Variants in TMEM87B observed in about 807,000 individuals in gnomAD.
The protein encoded by TMEM87B is transmembrane protein 87B.
Under a neutral mutation model 80.3 loss-of-function variants are expected in TMEM87B, and 83 were observed. The ratio of observed to expected loss-of-function variants is 1.03; its 90% CI spans 0.87 to 1.24. The LOEUF is 1.24. Ranked by LOEUF, TMEM87B falls within the 50% of genes most tolerant of loss-of-function variation. The pLI, the probability that TMEM87B is intolerant of heterozygous loss-of-function variation, is 0.00. For missense variants in TMEM87B, 625 were observed against 674.4 expected (o/e 0.93, Z 0.81); for synonymous variants, 219 against 230.5 (o/e 0.95, Z 0.45).
chr2:112,083,666 A>AG (rs1679064646), intron 8 of TMEM87B, among the ~76,000 whole-genome samples: 1 of 152,216 alleles, frequency 6.6e-6, no homozygotes, highest in Non-Finnish European at 1.5e-5. Context: ...AGAGGCTTCC[A>AG]GGTGATTCCA....
rs998171148 is a variant in TMEM87B at position 112,103,910 on chromosome 2, A to G, written c.1451-2092A>G. On this transcript the variant is annotated intron_variant, in intron 15 of 18. Coordinates refer to ENST00000283206, the MANE Select transcript of TMEM87B (RefSeq NM_032824.3). ...GGCATAAGGATAGAGAAATCCATCA[A>G]GGTAGTAAAATAGAGTCCAGGAATA... Among the ~76,000 whole-genome samples the G allele has an allele frequency of 3.9e-5, 6 of 152,226 alleles. No individual in the cohort carries two copies. The South Asian group carries it at 8.3e-4, about 21-fold the overall frequency.
At chr2:112,067,732 A>C (rs1380770055) in intron 4 of TMEM87B, among the ~76,000 whole-genome samples, 1 of 152,200 alleles carries the variant, frequency 6.6e-6, no homozygotes, top group African/African-American at 2.4e-5. Flanking sequence ...CTGCAGTCAG[A>C]CCTTTGCATC....
intron 17 of TMEM87B, among the ~76,000 whole-genome samples, chr2:112,111,832 T>G (rs1679925995): frequency 6.6e-6 from 1 of 152,216 alleles, no homozygotes; most frequent in South Asian, 2.1e-4. Flanking sequence ...GAAGGTGACA[T>G]TAGCATAGCT....
At chr2:112,055,871 C>A (rs1678037107) in intron 1 of TMEM87B, 115 bp downstream of exon 1, 1 of 1,275,728 alleles carries the variant, frequency 7.8e-7, no homozygotes, top group African/African-American at 1.6e-5. Flanking sequence ...GCACCGGGTC[C>A]CCTGATACCC....
intron 5 of TMEM87B, among the ~76,000 whole-genome samples, chr2:112,076,150 G>A (rs1480159680): frequency 6.6e-6 from 1 of 152,020 alleles, no homozygotes; most frequent in East Asian, 1.9e-4. Context: ...CTACTCGGAG[G>A]CTGAGGCACA....
At chr2:112,083,568 G>A (rs6542034) in intron 8 of TMEM87B, among the ~76,000 whole-genome samples, 2,277 of 152,256 alleles carry the variant, frequency 0.015, 61 homozygotes, top group African/African-American at 0.052. Context: ...CTCATCCCTG[G>A]TTTTGCATCA....
At chr2:112,100,792 T>C in intron 15 of TMEM87B, 97 bp downstream of exon 15, 1 of 666,706 alleles carries the variant, frequency 1.5e-6, no homozygotes. Flanking sequence ...TATTGTTTTT[T>C]TCTATAAAAT....
intron 18 of TMEM87B, 84 bp downstream of exon 18, chr2:112,113,013 C>G (rs766786142): frequency 1.2e-4 from 148 of 1,249,720 alleles, no homozygotes; most frequent in Admixed American, 2.0e-4. Context: ...CTGAAAGCTA[C>G]TTTTTAAGAT....
chr2:112,080,252 A>T lies in TMEM87B; in HGVS notation c.593-805A>T, dbSNP rs116032537. ...CCCCTTGCCCATTCTTTTTTTTTTA[A>T]TTTTTTTTATCTTTTTTTATTTTTT... is the stretch of plus-strand genomic sequence containing the variant. On this transcript the variant is annotated intron_variant, in intron 6 of 18. Transcript: ENST00000283206. Among the ~76,000 whole-genome samples the T allele has an allele frequency of 9.5e-3, 1,152 of 121,298 alleles. 10 individuals are homozygous for T. The highest frequency in any genetic ancestry group is 0.067 in the Middle Eastern group (11 of 164). 79.6% of individuals were successfully genotyped at this position (121,298 alleles called of 152,430 possible).
Position 112,113,424 on chromosome 2 carries a change from C to A in TMEM87B, c.1608+495C>A, listed in dbSNP as rs114018623. Among the ~76,000 whole-genome samples, 283 of 152,226 alleles carry A rather than the reference C, an allele frequency of 1.9e-3. 2 individuals are homozygous for A. The highest frequency in any genetic ancestry group is 6.0e-3 in the African/African-American group (251 of 41,544). On this transcript the variant is annotated intron_variant, in intron 18 of 18. Coordinates refer to ENST00000283206, the MANE Select transcript of TMEM87B (RefSeq NM_032824.3). ...ACTGGATGCACGGAACATTAACTTT[C>A]AAAAAGGACGAGTGGAGGGAAGTTA...
Position 112,118,333 on chromosome 2 carries a change from G to A in TMEM87B, c.*2190G>A, listed in dbSNP as rs1166059733. On this transcript the variant is annotated 3_prime_UTR_variant, in exon 19 of 19. Transcript: ENST00000283206. The stretch of plus-strand genomic sequence containing the variant: ...GGCTACTGAGCAGCTCATCATCCCT[G>A]TTTCTGCACAGTTTCCTGAAACTGG... 3 of 152,172 alleles carry A rather than the reference G, an allele frequency of 2.0e-5. No individual in the cohort carries two copies. The highest frequency in any genetic ancestry group is 6.5e-5 in the Admixed American group (1 of 15,268). The allele number at this position is 152,172 out of a possible 1,614,324, so 9.4% of individuals were successfully genotyped here.
rs2104459306 is a variant in TMEM87B at position 112,066,989 on chromosome 2, G to C, written c.372G>C (p.Leu124Phe). 1 of 1,611,816 alleles carries C rather than the reference G, an allele frequency of 6.2e-7. No individual in the cohort carries two copies. The change falls in exon 4 of 19, where the codon TTG becomes TTC. Residue 124 changes from leucine to phenylalanine, a missense_variant. Coordinates refer to ENST00000283206, the MANE Select transcript of TMEM87B (RefSeq NM_032824.3). ...TTGATGAAGACTTTTGTCATTATTT[G>C]AAGAATGACAACTGTTGGACAACAA... ...LSVDEDFCHYLKNDNCWTTKN... is the reference protein window; with the variant it reads ...LSVDEDFCHYFKNDNCWTTKN...
chr2:112,098,541 C>T, intron 13 of TMEM87B, 54 bp from the exon 14 acceptor site: 3 of 1,531,188 alleles, frequency 2.0e-6, no homozygotes, highest in Non-Finnish European at 2.7e-6. Flanking sequence ...GAATGGGAAA[C>T]CTATATGCTT....
chr2:112,056,216 G>A (rs773327311), intron 1 of TMEM87B, among the ~76,000 whole-genome samples: 37 of 151,802 alleles, frequency 2.4e-4, no homozygotes, highest in Non-Finnish European at 4.7e-4. Context: ...AAGCGGGTCT[G>A]CCGCTTCCTT....
intron 8 of TMEM87B, among the ~76,000 whole-genome samples, chr2:112,084,774 T>C (rs1005909857): frequency 6.6e-6 from 1 of 152,254 alleles, no homozygotes; most frequent in African/African-American, 2.4e-5. Flanking sequence ...CATCATCTCT[T>C]AGTTTTCTGG....
chr2:112,099,555 T>C (rs573439875), intron 14 of TMEM87B, among the ~76,000 whole-genome samples: 2,834 of 73,448 alleles, frequency 0.039, 83 homozygotes, highest in African/African-American at 0.12. Context: ...TATATATATA[T>C]ACACACACAC....
intron 18 of TMEM87B, among the ~76,000 whole-genome samples, chr2:112,113,487 A>G (rs952416098): frequency 2.0e-5 from 3 of 152,210 alleles, no homozygotes; most frequent in African/African-American, 4.8e-5. Context: ...TGGCTGTAGC[A>G]CATAAGAGGG....
At chr2:112,106,740 G>T (rs1679778551) in intron 16 of TMEM87B, among the ~76,000 whole-genome samples, 1 of 152,130 alleles carries the variant, frequency 6.6e-6, no homozygotes, top group Non-Finnish European at 1.5e-5. Context: ...AACTATATGT[G>T]CTGTGATTAA....
At chr2:112,079,964 C>G (rs1404062967) in intron 6 of TMEM87B, among the ~76,000 whole-genome samples, 1 of 125,992 alleles carries the variant, frequency 7.9e-6, no homozygotes, top group African/African-American at 3.1e-5. Context: ...GGAGTTCGCT[C>G]TGTCACCCAG....
Sources: gnomAD v4.1 joint callset for allele counts (sites outside exome capture counted in the v4.1 genomes callset) on GRCh38, gnomAD v4.1.1 for gene constraint, MANE v1.5 for transcripts, NCBI Gene and HGNC (gene_info 2026-07-23, HGNC 2026-07-21) for gene names.